TDRD5: variants seen among roughly 807,000 people sequenced by gnomAD.
TDRD5 encodes the protein tudor domain containing 5.
A neutral mutation model predicts 120.6 loss-of-function variants in TDRD5; 41 were observed. That is an observed-to-expected ratio of 0.34 (90% CI 0.26 to 0.44). TDRD5 has a LOEUF of 0.44. Among genes scored for constraint, TDRD5 ranks in the 20% least tolerant of loss-of-function variants. The probability of loss-of-function intolerance (pLI) is 1.00; values close to 1 mark genes in which losing one functional copy is unlikely to be tolerated. For missense variants in TDRD5, 1,006 were observed against 1,221.2 expected, an observed-to-expected ratio of 0.82 and a Z score of 2.63; for synonymous variants, 430 against 433.7, an observed-to-expected ratio of 0.99 and a Z score of 0.11.
intron 4 of TDRD5, among the ~76,000 whole-genome samples, chr1:179,602,630 G>A (rs1675778127): frequency 6.6e-6 from 1 of 152,120 alleles, no homozygotes; most frequent in Non-Finnish European, 1.5e-5. Context: ...TTGTTTAAAA[G>A]GGTGTCCTTT....
At chr1:179,627,953 C>T (rs1430199363) in intron 6 of TDRD5, among the ~76,000 whole-genome samples, 1 of 152,032 alleles carries the variant, frequency 6.6e-6, no homozygotes, top group Non-Finnish European at 1.5e-5. Context: ...CTGTTAAAAC[C>T]CTCAAAGTAA....
At chr1:179,620,822 C>G (rs1676800966) in intron 5 of TDRD5, among the ~76,000 whole-genome samples, 1 of 151,926 alleles carries the variant, frequency 6.6e-6, no homozygotes, top group Non-Finnish European at 1.5e-5. Flanking sequence ...ATAATCATTT[C>G]TCAACTCTGG....
intron 2 of TDRD5, 35 bp downstream of exon 2, chr1:179,592,882 GT>G (rs1426373255): frequency 1.1e-5 from 18 of 1,580,724 alleles, no homozygotes; most frequent in Non-Finnish European, 1.6e-5. Context: ...TATAAACTTT[GT>G]AATAAAAACA....
intron 4 of TDRD5, among the ~76,000 whole-genome samples, chr1:179,596,191 A>C (rs992862010): frequency 6.6e-6 from 1 of 152,224 alleles, no homozygotes; most frequent in African/African-American, 2.4e-5. Flanking sequence ...TGTAATGCTG[A>C]AGGACTTTGA....
At chr1:179,684,793 G>A (rs185312051) in intron 17 of TDRD5, among the ~76,000 whole-genome samples, 6 of 152,134 alleles carry the variant, frequency 3.9e-5, no homozygotes, top group South Asian at 2.1e-4. Flanking sequence ...TTTCTCTGAC[G>A]GCCAGTGATG....
intron 9 of TDRD5, among the ~76,000 whole-genome samples, chr1:179,637,774 T>G (rs1677845815): frequency 6.6e-6 from 1 of 152,130 alleles, no homozygotes; most frequent in Non-Finnish European, 1.5e-5. Flanking sequence ...TTGAGGCACT[T>G]GTGCTACAAG....
chr1:179,629,080 T>C (rs1399164826), intron 6 of TDRD5, among the ~76,000 whole-genome samples: 1 of 152,276 alleles, frequency 6.6e-6, no homozygotes, highest in Non-Finnish European at 1.5e-5. Context: ...AAAATGTCAT[T>C]TCTGAATAAG....
intron 16 of TDRD5, among the ~76,000 whole-genome samples, chr1:179,665,611 G>A (rs1374188483): frequency 2.6e-5 from 4 of 152,184 alleles, no homozygotes; most frequent in Non-Finnish European, 5.9e-5. Flanking sequence ...CTATACCAGC[G>A]TCACATTGTC....
intron 11 of TDRD5, among the ~76,000 whole-genome samples, chr1:179,642,402 C>G (rs1233753363): frequency 1.3e-5 from 2 of 152,132 alleles, no homozygotes; most frequent in African/African-American, 4.8e-5. Context: ...GCCCAGCCCT[C>G]CTTTCTTCCT....
At chr1:179,689,641 G>A (rs76868429) in intron 17 of TDRD5, among the ~76,000 whole-genome samples, 1 of 152,186 alleles carries the variant, frequency 6.6e-6, no homozygotes, top group Admixed American at 6.5e-5. Context: ...GCTATGCCCT[G>A]CTCCCAGAGG....
chr1:179,674,947 C>G (rs1680044588), intron 17 of TDRD5, among the ~76,000 whole-genome samples: 1 of 152,082 alleles, frequency 6.6e-6, no homozygotes, highest in East Asian at 1.9e-4. Context: ...CTTAGTTAAT[C>G]TCACTAATGG....
At chr1:179,620,282 G>A (rs1281082411) in intron 5 of TDRD5, among the ~76,000 whole-genome samples, 1 of 151,932 alleles carries the variant, frequency 6.6e-6, no homozygotes, top group Non-Finnish European at 1.5e-5. Context: ...AAATATATCT[G>A]GAAAAATTTA....
intron 17 of TDRD5, among the ~76,000 whole-genome samples, chr1:179,686,892 C>T (rs1263328674): frequency 2.0e-5 from 3 of 151,708 alleles, no homozygotes; most frequent in African/African-American, 7.3e-5. Flanking sequence ...GGTGATAGCC[C>T]CTTTATCATT....
Position 179,630,835 on chromosome 1 carries a change from T to G in TDRD5, c.1041T>G (p.Ala347=), listed in dbSNP as rs1415245780. The G allele has an allele frequency of 6.2e-7, 1 of 1,614,118 alleles. No individual in the cohort carries two copies. Among genetic ancestry groups the G allele is most frequent in the South Asian group, 1.1e-5 (1 of 91,082 alleles). Residue 347 remains alanine (A), a synonymous_variant, in exon 7 of 18, where the codon GCT becomes GCG. Coordinates refer to ENST00000444136, the MANE Select transcript of TDRD5 (RefSeq NM_001199085.3). ...TAAATGTGACAGAACTTGTTGGAGC[T>G]CTTAGTGACATTCTCCATGTTGAGT... ...GFLNVTELVG[A]LSDILHVEFR...
chr1:179,619,865 C>T (rs1676756504), intron 5 of TDRD5, among the ~76,000 whole-genome samples: 1 of 152,118 alleles, frequency 6.6e-6, no homozygotes, highest in Non-Finnish European at 1.5e-5. Flanking sequence ...AGGCATTCCC[C>T]CACTTCAGCC....
intron 17 of TDRD5, among the ~76,000 whole-genome samples, chr1:179,680,522 T>C (rs914806104): frequency 5.9e-5 from 9 of 152,252 alleles, no homozygotes; most frequent in African/African-American, 2.2e-4. Context: ...TCATTATTAA[T>C]TTACTCTTTA....
intron 6 of TDRD5, among the ~76,000 whole-genome samples, chr1:179,622,919 C>T (rs1327246930): frequency 6.6e-6 from 1 of 152,068 alleles, no homozygotes; most frequent in African/African-American, 2.4e-5. Context: ...ACAAGTAATA[C>T]AGAGAAAACC....
At chr1:179,636,699 T>G (rs1182943296) in intron 9 of TDRD5, among the ~76,000 whole-genome samples, 2 of 152,246 alleles carry the variant, frequency 1.3e-5, no homozygotes, top group Non-Finnish European at 2.9e-5. Flanking sequence ...AAATATCACA[T>G]TAATATCATC....
At chr1:179,673,748 G>A (rs1679974252) in intron 17 of TDRD5, among the ~76,000 whole-genome samples, 1 of 140,180 alleles carries the variant, frequency 7.1e-6, no homozygotes, top group Admixed American at 7.5e-5. Flanking sequence ...TGAGTAGAAT[G>A]GGAGGCAGGT....
Sources: gnomAD v4.1 joint callset for allele counts (sites outside exome capture counted in the v4.1 genomes callset) on GRCh38, gnomAD v4.1.1 for gene constraint, MANE v1.5 for transcripts, NCBI Gene and HGNC (gene_info 2026-07-23, HGNC 2026-07-21) for gene names.